TSPAN9: variants seen among roughly 807,000 people sequenced by gnomAD.
TSPAN9 encodes the protein tetraspanin-9.
A neutral mutation model predicts 31.0 loss-of-function variants in TSPAN9; 16 were observed. The ratio of observed to expected loss-of-function variants is 0.52; its 90% CI spans 0.35 to 0.78. TSPAN9 has a LOEUF of 0.78. Among genes scored for constraint, TSPAN9 ranks in the 30% least tolerant of loss-of-function variants. TSPAN9 has a pLI of 0.01. For missense variants in TSPAN9, 272 were observed against 312.5 expected (o/e 0.87, Z 0.98); for synonymous variants, 145 against 121.6 (o/e 1.19, Z -1.27).
intron 2 of TSPAN9, among the ~76,000 whole-genome samples, chr12:3,154,008 A>ATGTGTGTGTGTG (rs1217236640): frequency 4.8e-4 from 27 of 56,278 alleles, no homozygotes; most frequent in South Asian, 3.7e-3. Context: ...TATTATATAT[A>ATGTGTGTGTGTG]TATGTGTGTG....
rs1361143059 is a variant in TSPAN9 at position 3,089,345 on chromosome 12, G to A, written c.-18+5626G>A. Among the ~76,000 whole-genome samples, 37 of 141,920 alleles carry A rather than the reference G, an allele frequency of 2.6e-4. No individual in the cohort carries two copies. The Admixed American group carries it at 2.7e-3, about 10-fold the overall frequency. The allele number at this position is 141,920 out of a possible 152,430, so 93.1% of individuals were successfully genotyped here. A position where few individuals can be genotyped will look rare whatever the true frequency, so the allele number is the denominator to read the frequency against. On this transcript the variant is annotated intron_variant, in intron 2 of 8. Coordinates refer to ENST00000011898, the MANE Select transcript of TSPAN9 (RefSeq NM_006675.5). ...CAAGTCTTGTTCTGTCCCCCAGGCT[G>A]GAGTGCAGTGGCGTGATCTTGGCTC... is the stretch of plus-strand genomic sequence containing the variant.
chr12:3,256,246 G>A (rs970058401), intron 3 of TSPAN9, among the ~76,000 whole-genome samples: 1 of 152,230 alleles, frequency 6.6e-6, no homozygotes, highest in Non-Finnish European at 1.5e-5. Context: ...GCCAAACCAC[G>A]TCCGATAGCA....
chr12:3,192,557 G>A lies in TSPAN9; in HGVS notation c.-17-8620G>A, dbSNP rs1305084503. Among the ~76,000 whole-genome samples the A allele has an allele frequency of 3.3e-5, 5 of 152,090 alleles. No individual in the cohort carries two copies. The South Asian group carries it at 6.2e-4, about 19-fold the overall frequency. ...CTTAAGCCATTTGTTGAGAAGGAGC[G>A]GATAGTGCCAGGGAGCACATCCGGG... On this transcript the variant is annotated intron_variant, in intron 2 of 8. Coordinates refer to ENST00000011898, the MANE Select transcript of TSPAN9 (RefSeq NM_006675.5). The surrounding 1 kb of genome is among the most constrained non-coding windows in gnomAD (Gnocchi z 4.6).
chr12:3,098,215 A>G (rs2098310102), intron 2 of TSPAN9, among the ~76,000 whole-genome samples: 1 of 152,206 alleles, frequency 6.6e-6, no homozygotes, highest in Admixed American at 6.5e-5. Flanking sequence ...TGATGCCTGA[A>G]GTCCTTTCTG....
chr12:3,228,709 C>T (rs1398889900), intron 3 of TSPAN9, among the ~76,000 whole-genome samples: 1 of 152,248 alleles, frequency 6.6e-6, no homozygotes, highest in Non-Finnish European at 1.5e-5. Flanking sequence ...GGTATCTTGG[C>T]ACAGCTCCCT....
intron 2 of TSPAN9, chr12:3,199,895 T>G (rs1207640241): frequency 6.6e-6 from 1 of 152,300 alleles, no homozygotes; most frequent in Non-Finnish European, 1.5e-5. Flanking sequence ...TGTGTGTAGG[T>G]CTATCCGGGA....
intron 2 of TSPAN9, among the ~76,000 whole-genome samples, chr12:3,086,132 A>G (rs554674662): frequency 6.6e-6 from 1 of 152,346 alleles, no homozygotes; most frequent in South Asian, 2.1e-4. Context: ...TAACGAAATG[A>G]GAATATCTGC....
chr12:3,151,936 A>G (rs2098339956), intron 2 of TSPAN9, among the ~76,000 whole-genome samples: 1 of 152,154 alleles, frequency 6.6e-6, no homozygotes, highest in African/African-American at 2.4e-5. Flanking sequence ...AAAAACAAAA[A>G]AAACACACAG....
chr12:3,133,505 T>C (rs1373829123), intron 2 of TSPAN9, among the ~76,000 whole-genome samples: 1 of 152,190 alleles, frequency 6.6e-6, no homozygotes, highest in Non-Finnish European at 1.5e-5. Context: ...CAGGAGAGCC[T>C]TGGTATGTAT....
At chr12:3,185,045 T>G (rs565637276) in intron 2 of TSPAN9, among the ~76,000 whole-genome samples, 9 of 152,312 alleles carry the variant, frequency 5.9e-5, no homozygotes, top group African/African-American at 2.2e-4. Context: ...GAAACACAGA[T>G]AATAACGAGG....
At chr12:3,259,865 A>T (rs1862415791) in intron 3 of TSPAN9, among the ~76,000 whole-genome samples, 1 of 152,182 alleles carries the variant, frequency 6.6e-6, no homozygotes, top group Non-Finnish European at 1.5e-5. Context: ...CTCTGTGGGG[A>T]ATGGGTTTGG....
chr12:3,208,948 G>A (rs964752378), intron 3 of TSPAN9, among the ~76,000 whole-genome samples: 3 of 152,058 alleles, frequency 2.0e-5, no homozygotes, highest in Non-Finnish European at 4.4e-5. Flanking sequence ...TTAAAAATTC[G>A]GCGTTGTGCC....
At chr12:3,283,000 A>C in intron 8 of TSPAN9, 45 bp from the exon 9 acceptor site, 1 of 1,597,230 alleles carries the variant, frequency 6.3e-7, no homozygotes, top group Non-Finnish European at 8.5e-7. Context: ...GGTCAGGTCC[A>C]GGCTGCTGCA....
chr12:3,116,572 C>T (rs1480672673), intron 2 of TSPAN9, among the ~76,000 whole-genome samples: 2 of 152,082 alleles, frequency 1.3e-5, no homozygotes, highest in East Asian at 3.9e-4. Flanking sequence ...AAAGAGAGGC[C>T]CTTGGAGGAG....
intron 3 of TSPAN9, among the ~76,000 whole-genome samples, chr12:3,204,126 CT>C (rs1267568487): frequency 6.6e-6 from 1 of 152,128 alleles, no homozygotes; most frequent in Non-Finnish European, 1.5e-5. Context: ...TTGTTGTAGT[CT>C]TGTGGCTCAG....
intron 2 of TSPAN9, among the ~76,000 whole-genome samples, chr12:3,183,705 A>G (rs2098359578): frequency 6.6e-6 from 1 of 152,166 alleles, no homozygotes; most frequent in Non-Finnish European, 1.5e-5. Flanking sequence ...AGGATTCTGG[A>G]GCAACTGGCC....
At chr12:3,163,671 G>T (rs1952503767) in intron 2 of TSPAN9, among the ~76,000 whole-genome samples, 1 of 152,218 alleles carries the variant, frequency 6.6e-6, no homozygotes, top group African/African-American at 2.4e-5. Context: ...ATTTACGAGA[G>T]ACAGATGTCA....
chr12:3,250,921 C>T (rs1339284346), intron 3 of TSPAN9, among the ~76,000 whole-genome samples: 1 of 152,218 alleles, frequency 6.6e-6, no homozygotes, highest in African/African-American at 2.4e-5. Context: ...GACAGGGTGG[C>T]ATATGGGGAT....
At chr12:3,099,673 C>A (rs2098310866) in intron 2 of TSPAN9, among the ~76,000 whole-genome samples, 1 of 152,132 alleles carries the variant, frequency 6.6e-6, no homozygotes, top group African/African-American at 2.4e-5. Context: ...TTCTGGCATT[C>A]ATTTAAATTG....
Sources: gnomAD v4.1 joint callset for allele counts (sites outside exome capture counted in the v4.1 genomes callset) on GRCh38, gnomAD v4.1.1 for gene constraint, Gnocchi (gnomAD v3.1) non-coding constraint, MANE v1.5 for transcripts, NCBI Gene and HGNC (gene_info 2026-07-23, HGNC 2026-07-21) for gene names.